The following WIF1 variants were observed in gnomAD, a reference collection of about 807,000 sequenced individuals.
The protein encoded by WIF1 is Wnt inhibitory factor 1.
WIF1 carries 35 observed loss-of-function variants against 53.5 expected under a neutral mutation model. That is an observed-to-expected ratio of 0.65 (90% CI 0.50 to 0.87). The LOEUF is 0.87. Ranked by LOEUF, WIF1 falls within the 40% of genes least tolerant of loss-of-function variation. WIF1 has a pLI of 0.00. For missense variants in WIF1, 467 were observed against 476.8 expected (o/e 0.98, Z 0.19); for synonymous variants, 171 against 170.4 (o/e 1.00, Z -0.03).
chr12:65,115,658 T>A (rs1380953022), intron 2 of WIF1, among the ~76,000 whole-genome samples: 1 of 152,218 alleles, frequency 6.6e-6, no homozygotes, highest in African/African-American at 2.4e-5. Context: ...TAAAAATCCA[T>A]TAAGGCTAAG....
chr12:65,085,446 A>T (rs1303109366), intron 2 of WIF1, among the ~76,000 whole-genome samples: 1 of 152,210 alleles, frequency 6.6e-6, no homozygotes, highest in African/African-American at 2.4e-5. Context: ...TTGGCCATTA[A>T]AAGTTTCAGA....
Position 65,055,261 on chromosome 12 carries a change from C to G in WIF1, c.923-48G>C, listed in dbSNP as rs1882505950. ...GAGTATTTCCTGAGCTTTCCTTTTT[C>G]AACAGAATTACATAGTTGCTTTCCT... On this transcript the variant is annotated intron_variant, in intron 8 of 9. Transcript: ENST00000286574. The G allele has an allele frequency of 1.9e-6, 3 of 1,584,920 alleles. No individual in the cohort carries two copies. The East Asian group carries it at 6.7e-5, about 35-fold the overall frequency.
rs144873880 is a variant in WIF1 at position 65,120,461 on chromosome 12, C to T, written c.244G>A (p.Val82Ile). Residue 82 changes from valine to isoleucine, a missense_variant, in exon 2 of 10, where the codon GTC (valine) becomes ATC (isoleucine). Coordinates refer to ENST00000286574, the MANE Select transcript of WIF1 (RefSeq NM_007191.5). ...KAQQRMPAIP[V>I]NIHSMNFTWQ... ...GTAAAATTCATGGAATGGATATTGA[C>T]AGGAATAGCTGGCATTCTCTGTTGT... is the stretch of plus-strand genomic sequence containing the variant. 11 of 1,613,900 alleles carry T rather than the reference C, an allele frequency of 6.8e-6. No individual in the cohort carries two copies. Among genetic ancestry groups the T allele is most frequent in the Non-Finnish European group, 9.3e-6 (11 of 1,180,008 alleles).
rs114283424 is a variant in WIF1, at chr12:65,057,871, T to C, written c.827-1745A>G. On this transcript the variant is annotated intron_variant, in intron 7 of 9. Coordinates refer to ENST00000286574, the MANE Select transcript of WIF1 (RefSeq NM_007191.5). ...TTCTACTAAAAACACTTCATCTTTT[T>C]ATTTACCTAAAAGGACTTTATTCAT... is the stretch of plus-strand genomic sequence containing the variant. Among the ~76,000 whole-genome samples the C allele has an allele frequency of 6.1e-3, 929 of 152,328 alleles. 11 individuals carry two copies. Among genetic ancestry groups the C allele is most frequent in the African/African-American group, 0.021 (889 of 41,576 alleles).
chr12:65,108,792 C>T (rs562771869), intron 2 of WIF1, among the ~76,000 whole-genome samples: 6 of 152,188 alleles, frequency 3.9e-5, no homozygotes, highest in South Asian at 2.1e-4. Context: ...TATTCCTGGA[C>T]TCTACCAGTC....
At position 65,055,147 on chromosome 12, in the gene WIF1, T is replaced by A; in HGVS notation, c.989A>T (p.Glu330Val). The A allele has an allele frequency of 1.2e-6, 2 of 1,614,176 alleles. No homozygotes were observed. The highest frequency in any genetic ancestry group is 1.7e-6 in the Non-Finnish European group (2 of 1,180,016). Residue 330 changes from glutamate (E) to valine (V), a missense_variant, in exon 9 of 10, where the codon GAA becomes GTA. Physicochemically the swap from Glu to Val is moderately radical, Grantham distance 121. Transcript: ENST00000286574. ...ATTGCAGTGTCTTCCATGCCAACCTTCTTGACATTGGCATTTGTTGGGTTC... is the reference window on the plus strand; with the variant it reads ...ATTGCAGTGTCTTCCATGCCAACCTACTTGACATTGGCATTTGTTGGGTTC... ...CHEPNKCQCQ[E>V]GWHGRHCNKR...
chr12:65,098,691 C>G (rs969546833), intron 2 of WIF1, among the ~76,000 whole-genome samples: 3 of 151,976 alleles, frequency 2.0e-5, no homozygotes, highest in Admixed American at 1.3e-4. Context: ...AACACAAAAA[C>G]AGATCAATGG....
intron 9 of WIF1, among the ~76,000 whole-genome samples, chr12:65,052,435 C>T (rs772780684): frequency 1.3e-5 from 2 of 152,086 alleles, no homozygotes; most frequent in African/African-American, 2.4e-5. Flanking sequence ...GAAGCCCAAA[C>T]CTTTCTGTTG....
At chr12:65,084,439 G>A (rs1883004619) in intron 2 of WIF1, among the ~76,000 whole-genome samples, 1 of 152,154 alleles carries the variant, frequency 6.6e-6, no homozygotes, top group African/African-American at 2.4e-5. Context: ...GGAGCTCACT[G>A]GCCCGAGGTG....
chr12:65,072,704 A>C (rs1237624365), intron 3 of WIF1, among the ~76,000 whole-genome samples: 1 of 152,156 alleles, frequency 6.6e-6, no homozygotes, highest in Non-Finnish European at 1.5e-5. Context: ...ACTCAGAAAA[A>C]CAGATGCACC....
At chr12:65,089,383 C>T (rs914224057) in intron 2 of WIF1, among the ~76,000 whole-genome samples, 1 of 152,106 alleles carries the variant, frequency 6.6e-6, no homozygotes, top group African/African-American at 2.4e-5. Context: ...AGACATTTCT[C>T]CCTCATGCTC....
chr12:65,119,526 T>C (rs1227018779), intron 2 of WIF1, among the ~76,000 whole-genome samples: 2 of 152,236 alleles, frequency 1.3e-5, no homozygotes. Flanking sequence ...GTTTTCGGTA[T>C]CACATTCTTC....
Position 65,067,349 on chromosome 12 carries a change from T to C in WIF1, c.634+346A>G, listed in dbSNP as rs767412393. ...TCCACTTTTTTGCCTTATCATAACT[T>C]CATAACTTAGATATACTCTTAGTTG... is the stretch of plus-strand genomic sequence containing the variant. On this transcript the variant is annotated intron_variant, in intron 5 of 9. Coordinates refer to ENST00000286574, the MANE Select transcript of WIF1 (RefSeq NM_007191.5). Among the ~76,000 whole-genome samples the C allele has an allele frequency of 5.2e-4, 79 of 152,302 alleles. 1 individual carries two copies. Among genetic ancestry groups the C allele is most frequent in the South Asian group, 2.1e-3 (10 of 4,830 alleles).
In WIF1 at chr12:65,055,112, A is replaced by G. The variant is rs1327005748; in HGVS notation, c.1018+6T>C. The G allele has an allele frequency of 1.2e-6, 2 of 1,611,004 alleles. No homozygotes were observed. Among genetic ancestry groups the G allele is most frequent in the Non-Finnish European group, 1.7e-6 (2 of 1,179,202 alleles). On this transcript the variant is annotated splice_donor_region_variant and intron_variant, in intron 9 of 9. Transcript: ENST00000286574. ...TTGTTTACAACTTTTTATTTCTCCC[A>G]CTCACTTTTATTGCAGTGTCTTCCA...
At chr12:65,102,009 T>A (rs1286670325) in intron 2 of WIF1, among the ~76,000 whole-genome samples, 13 of 152,382 alleles carry the variant, frequency 8.5e-5, no homozygotes, top group Non-Finnish European at 2.9e-5. Flanking sequence ...TTGTCTACTA[T>A]GTGTCAAGAA....
intron 2 of WIF1, among the ~76,000 whole-genome samples, chr12:65,087,273 T>C (rs1325844085): frequency 6.6e-6 from 1 of 152,216 alleles, no homozygotes; most frequent in Non-Finnish European, 1.5e-5. Flanking sequence ...CATGGTGGTA[T>C]AGTTCAGCAA....
chr12:65,051,758 T>A (rs1882445520), intron 9 of WIF1, among the ~76,000 whole-genome samples: 1 of 152,178 alleles, frequency 6.6e-6, no homozygotes, highest in South Asian at 2.1e-4. Flanking sequence ...AAGTATAGTC[T>A]CCATCCAAGG....
chr12:65,067,864 C>G, intron 4 of WIF1, 74 bp from the exon 5 acceptor site: 1 of 1,300,040 alleles, frequency 7.7e-7, no homozygotes, highest in Non-Finnish European at 1.1e-6. Flanking sequence ...CAGTGTGAGA[C>G]AGTAGTGTTC....
intron 9 of WIF1, among the ~76,000 whole-genome samples, chr12:65,052,340 G>A (rs149974913): frequency 6.6e-6 from 1 of 152,204 alleles, no homozygotes; most frequent in Non-Finnish European, 1.5e-5. Flanking sequence ...TCAGTATGTA[G>A]TCTAGTAGCT....
Sources: gnomAD v4.1 joint callset for allele counts (sites outside exome capture counted in the v4.1 genomes callset) on GRCh38, gnomAD v4.1.1 for gene constraint, MANE v1.5 for transcripts, NCBI Gene and HGNC (gene_info 2026-07-23, HGNC 2026-07-21) for gene names.